The following SNX29 variants were observed in gnomAD, a reference collection of about 807,000 sequenced individuals.
The protein encoded by SNX29 is sorting nexin 29, also known as sorting nexin-29.
Under a neutral mutation model 102.1 loss-of-function variants are expected in SNX29, and 78 were observed. The observed-to-expected ratio is 0.76, with a 90% CI of 0.64 to 0.92. SNX29 has a LOEUF of 0.92. Among genes scored for constraint, SNX29 ranks in the 40% least tolerant of loss-of-function variants. The pLI is 0.00. For synonymous variants in SNX29, 580 were observed against 414.5 expected (o/e 1.40, Z -4.85); for missense variants, 1,280 against 1,061.7 (o/e 1.21, Z -2.86).
chr16:12,268,804 ATAC>A (rs1411951255), intron 14 of SNX29, among the ~76,000 whole-genome samples: 2 of 152,156 alleles, frequency 1.3e-5, no homozygotes, highest in Non-Finnish European at 2.9e-5. Context: ...TAACCTCATC[ATAC>A]TGTTTGCCAT....
chr16:12,565,951 C>A (rs945299208), intron 20 of SNX29, among the ~76,000 whole-genome samples: 6 of 152,204 alleles, frequency 3.9e-5, no homozygotes, highest in Admixed American at 2.6e-4. Flanking sequence ...CCCTCCCCAT[C>A]CTCAATGACA....
intron 18 of SNX29, among the ~76,000 whole-genome samples, chr16:12,423,371 A>G (rs2084941562): frequency 6.6e-6 from 1 of 152,126 alleles, no homozygotes; most frequent in Non-Finnish European, 1.5e-5. Context: ...AACATCGGGC[A>G]TGAGCAATGG....
At chr16:12,490,457 T>C (rs943618467) in intron 19 of SNX29, among the ~76,000 whole-genome samples, 8 of 152,252 alleles carry the variant, frequency 5.3e-5, no homozygotes, top group African/African-American at 1.7e-4. Flanking sequence ...TATTAATGAA[T>C]AGTTCAATGT....
chr16:12,479,148 G>A (rs1367618086), intron 19 of SNX29, among the ~76,000 whole-genome samples: 2 of 152,206 alleles, frequency 1.3e-5, no homozygotes, highest in Non-Finnish European at 2.9e-5. Flanking sequence ...CACACGCTCT[G>A]GGGCTGAGAC....
chr16:12,537,563 C>G lies in SNX29; in HGVS notation c.2318+12722C>G, dbSNP rs535477503. Among the ~76,000 whole-genome samples the G allele has an allele frequency of 3.9e-5, 6 of 152,284 alleles. No individual in the cohort carries two copies. The East Asian group carries it at 9.7e-4, about 24-fold the overall frequency. ...TACTATGGAGCTTCTCGAAGGGAAG[C>G]AATTTTGACTTTGTTTTTACTTCTT... On this transcript the variant is annotated intron_variant, in intron 20 of 20. Transcript: ENST00000566228.
At chr16:12,505,285 A>C (rs1462078701) in intron 19 of SNX29, among the ~76,000 whole-genome samples, 2 of 152,200 alleles carry the variant, frequency 1.3e-5, no homozygotes, top group Admixed American at 6.5e-5. Context: ...CAAATAACAG[A>C]AACTTTTCAT....
At chr16:11,980,766 A>G (rs1325784991) in intron 1 of SNX29, among the ~76,000 whole-genome samples, 2 of 152,106 alleles carry the variant, frequency 1.3e-5, no homozygotes, top group Admixed American at 1.3e-4. Context: ...TGAGCATCTT[A>G]TCTTGTGCTT....
At chr16:12,008,331 G>A (rs913567264) in intron 3 of SNX29, among the ~76,000 whole-genome samples, 3 of 152,000 alleles carry the variant, frequency 2.0e-5, no homozygotes, top group Non-Finnish European at 4.4e-5. Context: ...CTGCAATGGC[G>A]CGATCTTGGC....
chr16:12,409,778 G>T (rs1203614275), intron 18 of SNX29, among the ~76,000 whole-genome samples: 2 of 152,112 alleles, frequency 1.3e-5, no homozygotes, highest in Non-Finnish European at 2.9e-5. Context: ...ATACATCAGT[G>T]TACTTACCTG....
chr16:12,263,355 T>C (rs937321503), intron 14 of SNX29, among the ~76,000 whole-genome samples: 1 of 152,206 alleles, frequency 6.6e-6, no homozygotes, highest in African/African-American at 2.4e-5. Context: ...CTCAAACTCC[T>C]GACCTCAGGT....
At chr16:12,450,084 T>C (rs1346938859) in intron 18 of SNX29, among the ~76,000 whole-genome samples, 1 of 152,200 alleles carries the variant, frequency 6.6e-6, no homozygotes, top group African/African-American at 2.4e-5. Flanking sequence ...TGTTCTCTCT[T>C]GCCTGCCACC....
intron 13 of SNX29, among the ~76,000 whole-genome samples, chr16:12,161,864 C>G (rs969217676): frequency 6.6e-6 from 1 of 152,142 alleles, no homozygotes; most frequent in Admixed American, 6.5e-5. Flanking sequence ...GGTGCTGGAC[C>G]GCGTTTCTTA....
Position 12,568,663 on chromosome 16 carries a change from T to C in SNX29, c.*34T>C, listed in dbSNP as rs774794984. On this transcript the variant is annotated 3_prime_UTR_variant, in exon 21 of 21. Coordinates refer to ENST00000566228, the MANE Select transcript of SNX29 (RefSeq NM_032167.5). ...AAACCGCAGCCACGGGCCCTGTGCG[T>C]GGCACCAGCTGCGTCCACCCCAGCC... 2 of 1,593,492 alleles carry C rather than the reference T, an allele frequency of 1.3e-6. No homozygotes were observed. Among genetic ancestry groups the C allele is most frequent in the Non-Finnish European group, 1.7e-6 (2 of 1,176,382 alleles).
At chr16:12,475,576 G>A (rs2087553425) in intron 18 of SNX29, among the ~76,000 whole-genome samples, 1 of 152,194 alleles carries the variant, frequency 6.6e-6, no homozygotes, top group Non-Finnish European at 1.5e-5. Context: ...GCTTCATGTA[G>A]TGAACATCAT....
At chr16:12,353,823 G>T (rs181346550) in intron 15 of SNX29, among the ~76,000 whole-genome samples, 3 of 152,356 alleles carry the variant, frequency 2.0e-5, no homozygotes, top group Admixed American at 6.5e-5. Context: ...TCTTAAAGCA[G>T]TGGAAGCACT....
chr16:12,232,316 C>T (rs2077793220), intron 14 of SNX29, among the ~76,000 whole-genome samples: 2 of 152,176 alleles, frequency 1.3e-5, no homozygotes, highest in African/African-American at 4.8e-5. Flanking sequence ...CACTTGAGTC[C>T]AGGAGTTCAT....
intron 14 of SNX29, among the ~76,000 whole-genome samples, chr16:12,209,112 G>T (rs36122975): frequency 9.2e-5 from 14 of 152,182 alleles, no homozygotes; most frequent in Non-Finnish European, 1.9e-4. Context: ...GAGGGCTTTA[G>T]ATAAATTTAG....
chr16:12,113,362 C>T (rs762069050), intron 11 of SNX29, among the ~76,000 whole-genome samples: 5 of 152,132 alleles, frequency 3.3e-5, no homozygotes, highest in Admixed American at 2.0e-4. Flanking sequence ...CGGGCTGGAA[C>T]CTGGCCCCTC....
intron 9 of SNX29, among the ~76,000 whole-genome samples, chr16:12,067,140 G>A (rs554749813): frequency 5.0e-4 from 76 of 152,090 alleles, no homozygotes; most frequent in Admixed American, 1.2e-3. Context: ...AGCTATAATC[G>A]TGCCACTGCT....
Sources: gnomAD v4.1 joint callset for allele counts (sites outside exome capture counted in the v4.1 genomes callset) on GRCh38, gnomAD v4.1.1 for gene constraint, MANE v1.5 for transcripts, NCBI Gene and HGNC (gene_info 2026-07-23, HGNC 2026-07-21) for gene names.